Variants in EMC8 observed in about 807,000 individuals in gnomAD.
The protein encoded by EMC8 is COX4 neighbor.
A neutral mutation model predicts 24.3 loss-of-function variants in EMC8; 11 were observed. The ratio of observed to expected loss-of-function variants is 0.45; its 90% CI spans 0.28 to 0.75. The LOEUF is 0.75. EMC8 is among the 30% of genes least tolerant of loss of function. The pLI is 0.12. For missense variants in EMC8, 277 were observed against 282.7 expected (o/e 0.98, Z 0.14); for synonymous variants, 145 against 117.7 (o/e 1.23, Z -1.50).
chr16:85,784,438 A>T (rs990169536), intron 2 of EMC8: 1 of 152,250 alleles, frequency 6.6e-6, no homozygotes, highest in Non-Finnish European at 1.5e-5. Flanking sequence ...ATTATTTTAT[A>T]TGATTATTGT....
intron 2 of EMC8, among the ~76,000 whole-genome samples, chr16:85,782,184 C>A (rs776959840): frequency 6.6e-6 from 1 of 152,232 alleles, no homozygotes; most frequent in East Asian, 1.9e-4. Flanking sequence ...TCCATCTGCA[C>A]GCTAGCAAAG....
intron 1 of EMC8, among the ~76,000 whole-genome samples, chr16:85,797,662 C>T (rs1325057448): frequency 6.6e-6 from 1 of 152,190 alleles, no homozygotes; most frequent in Non-Finnish European, 1.5e-5. Context: ...TTGCCCAGAA[C>T]TGACTTGGGT....
At chr16:85,798,643 G>T (rs969459966) in intron 1 of EMC8, 8 of 171,696 alleles carry the variant, frequency 4.7e-5, no homozygotes. Flanking sequence ...TTTACACTTT[G>T]CCAGATAAGG....
At chr16:85,798,663 T>G in intron 1 of EMC8, 1 of 187,182 alleles carries the variant, frequency 5.3e-6, no homozygotes, top group East Asian at 1.4e-4. Flanking sequence ...GAATCGGCTC[T>G]GCGAAGGTGC....
intron 1 of EMC8, among the ~76,000 whole-genome samples, chr16:85,789,690 G>A (rs1904915434): frequency 6.6e-6 from 1 of 152,016 alleles, no homozygotes; most frequent in African/African-American, 2.4e-5. Flanking sequence ...TACTCGGGAG[G>A]CTGAGGCAGG....
chr16:85,780,495 C>T (rs1242060871), intron 3 of EMC8, 22 bp from the exon 4 acceptor site: 9 of 1,581,204 alleles, frequency 5.7e-6, no homozygotes, highest in African/African-American at 2.7e-5. Flanking sequence ...GCAAAGGACA[C>T]GAGAGTGAAC....
In EMC8 at chr16:85,799,473, A is replaced by C. The variant is rs1905483792; in HGVS notation, c.-178T>G. The C allele has an allele frequency of 7.5e-6, 3 of 398,732 alleles. No individual in the cohort carries two copies. The highest frequency in any genetic ancestry group is 8.8e-6 in the Non-Finnish European group (2 of 228,204). The allele number at this position is 398,732 out of a possible 1,614,324, so 24.7% of individuals were successfully genotyped here. On this transcript the variant is annotated 5_prime_UTR_variant, in exon 1 of 5. Transcript: ENST00000253457. This position sits in a 1 kb window ranked among gnomAD's most constrained non-coding sequence, Gnocchi z 4.2. ...CCGTTTGGGCCTCGGCTCCTGGAAA[A>C]GCGACTCGCGCCTCTGGGAAGCCGC...
Position 85,789,588 on chromosome 16 carries a change from T to TCTC in EMC8, c.232-539_232-538insGAG, listed in dbSNP as rs534737653. 5.5e-3 allele frequency among the ~76,000 whole-genome samples: 839 copies of TCTC among 152,028 alleles called. 13 individuals carry two copies. The highest frequency in any genetic ancestry group is 0.019 in the African/African-American group (781 of 41,458). ...GGGCGGATCACCTGAGGTCAAGAGT[T>TCTC]CGAGACAAGCCTGGCCAATGTGGAG... On this transcript the variant is annotated intron_variant, in intron 1 of 4. Transcript: ENST00000253457.
In EMC8 at chr16:85,781,489, G is replaced by C. The variant is rs376164668; in HGVS notation, c.309-209C>G. Reference sequence around the variant, plus strand: ...TCTGCTGCCCTAGCTGGAGTGTAGTGACGCAATCATAGCCCACTGTAACCT... The same window carrying C: ...TCTGCTGCCCTAGCTGGAGTGTAGTCACGCAATCATAGCCCACTGTAACCT... On this transcript the variant is annotated intron_variant, in intron 2 of 4. Transcript: ENST00000253457. 7.5e-6 allele frequency: 4 copies of C among 536,504 alleles called. No homozygotes were observed. The East Asian group carries it at 1.3e-4, about 18-fold the overall frequency. The allele number at this position is 536,504 out of a possible 1,614,324, so 33.2% of individuals were successfully genotyped here.
At chr16:85,797,892 C>T (rs1905310605) in intron 1 of EMC8, among the ~76,000 whole-genome samples, 1 of 152,158 alleles carries the variant, frequency 6.6e-6, no homozygotes, top group Admixed American at 6.5e-5. Flanking sequence ...GTTTACTTTT[C>T]CTTCAGGTTT....
In EMC8 at chr16:85,799,297, C is replaced by A. The variant is rs955836972; in HGVS notation, c.-2G>T. The stretch of plus-strand genomic sequence containing the variant: ...GGTGGTCAGTTTCACCCCGGGCATG[C>A]TGACCCGGGAGGGCCCCGGAGGCCC... On this transcript the variant is annotated 5_prime_UTR_variant, in exon 1 of 5. Transcript: ENST00000253457. This position sits in a 1 kb window ranked among gnomAD's most constrained non-coding sequence, Gnocchi z 4.2. 6.3e-7 allele frequency: 1 copy of A among 1,595,434 alleles called. No homozygotes were observed. Among genetic ancestry groups the A allele is most frequent in the East Asian group, 2.3e-5 (1 of 44,178 alleles).
rs771230018 is a variant in EMC8 at position 85,781,226 on chromosome 16, G to T, written c.363C>A (p.Asp121Glu). ...AGCGACTTACCATGATGAGCGCAGT[G>T]TCGCTGAAGCCCTCGGCGATTCTGG... ...VASRIAEGFS[D>E]TALIMVDNTK... The change falls in exon 3 of 5, where the codon GAC (aspartate) becomes GAA (glutamate). Residue 121 changes from aspartate (D) to glutamate (E), a missense_variant. Coordinates refer to ENST00000253457, the MANE Select transcript of EMC8 (RefSeq NM_006067.5). 1 of 1,613,752 alleles carries T rather than the reference G, an allele frequency of 6.2e-7. No individual in the cohort carries two copies. Among genetic ancestry groups the T allele is most frequent in the Non-Finnish European group, 8.5e-7 (1 of 1,179,664 alleles).
chr16:85,790,632 C>A (rs1345527240), intron 1 of EMC8, among the ~76,000 whole-genome samples: 1 of 152,198 alleles, frequency 6.6e-6, no homozygotes, highest in Non-Finnish European at 1.5e-5. Flanking sequence ...TCCTTGAGCA[C>A]CGTGCTCCCA....
At chr16:85,788,495 G>C (rs1047996547) in intron 2 of EMC8, among the ~76,000 whole-genome samples, 3 of 152,258 alleles carry the variant, frequency 2.0e-5, no homozygotes, top group Non-Finnish European at 4.4e-5. Context: ...GAGAGCCCCA[G>C]TTGGGGAAGG....
At position 85,779,628 on chromosome 16, in the gene EMC8, A is replaced by G. The variant is rs575734527; in HGVS notation, c.*80T>C. On this transcript the variant is annotated 3_prime_UTR_variant, in exon 5 of 5. Coordinates refer to ENST00000253457, the MANE Select transcript of EMC8 (RefSeq NM_006067.5). ...GTCAGCTTTCCACACAGGCTACAAG[A>G]TATTTTATTTACATTTAAAAATAGG... 66 of 1,439,436 alleles carry G rather than the reference A, an allele frequency of 4.6e-5. No homozygotes were observed. The African/African-American group carries it at 8.7e-4, about 19-fold the overall frequency. The allele number at this position is 1,439,436 out of a possible 1,614,324, so 89.2% of individuals were successfully genotyped here. A position where few individuals can be genotyped will look rare whatever the true frequency, so the allele number is the denominator to read the frequency against.
intron 2 of EMC8, among the ~76,000 whole-genome samples, chr16:85,785,200 G>T (rs997631611): frequency 6.6e-6 from 1 of 152,230 alleles, no homozygotes; most frequent in Non-Finnish European, 1.5e-5. Context: ...TCCTGCCTTG[G>T]CCTCTGAAAG....
At position 85,799,017 on chromosome 16, in the gene EMC8, G is replaced by C; in HGVS notation, c.231+48C>G. On this transcript the variant is annotated intron_variant, in intron 1 of 4. Coordinates refer to ENST00000253457, the MANE Select transcript of EMC8 (RefSeq NM_006067.5). This position sits in a 1 kb window ranked among gnomAD's most constrained non-coding sequence, Gnocchi z 4.2. The stretch of plus-strand genomic sequence containing the variant: ...GGCCAGCTTCCTCTCTGCTGACTGA[G>C]GGGAGGCCAGGCTGCCTGCAAGGGG... 7.6e-7 allele frequency: 1 copy of C among 1,314,130 alleles called. No individual in the cohort carries two copies. Among genetic ancestry groups the C allele is most frequent in the Non-Finnish European group, 1.1e-6 (1 of 948,712 alleles). 81.4% of individuals were successfully genotyped at this position (1,314,130 alleles called of 1,614,324 possible).
At chr16:85,789,140 G>A in intron 1 of EMC8, 90 bp from the exon 2 acceptor site, 1 of 849,468 alleles carries the variant, frequency 1.2e-6, no homozygotes, top group Non-Finnish European at 2.0e-6. Flanking sequence ...CCACATGCTG[G>A]GACAAGACAT....
chr16:85,791,209 G>C (rs56319314), intron 1 of EMC8, among the ~76,000 whole-genome samples: 1 of 152,002 alleles, frequency 6.6e-6, no homozygotes, highest in Non-Finnish European at 1.5e-5. Flanking sequence ...GTTTTTCTTA[G>C]AATTTTTAAT....
Sources: gnomAD v4.1 joint callset for allele counts (sites outside exome capture counted in the v4.1 genomes callset) on GRCh38, gnomAD v4.1.1 for gene constraint, Gnocchi (gnomAD v3.1) non-coding constraint, MANE v1.5 for transcripts, NCBI Gene and HGNC (gene_info 2026-07-23, HGNC 2026-07-21) for gene names.